Variants in ARHGEF3 observed in about 807,000 individuals in gnomAD.
ARHGEF3 encodes 59.8 kDA protein.
Under a neutral mutation model 63.2 loss-of-function variants are expected in ARHGEF3, and 28 were observed. The ratio of observed to expected loss-of-function variants is 0.44; its 90% CI spans 0.33 to 0.61. ARHGEF3 has a LOEUF of 0.61. Ranked by LOEUF, ARHGEF3 falls within the 20% of genes least tolerant of loss-of-function variation. The probability of loss-of-function intolerance (pLI) is 0.03; values close to 1 mark genes in which losing one functional copy is unlikely to be tolerated. For synonymous variants in ARHGEF3, 266 were observed against 254.2 expected, an observed-to-expected ratio of 1.05 and a Z score of -0.44; for missense variants, 533 against 659.3, an observed-to-expected ratio of 0.81 and a Z score of 2.10.
At chr3:56,830,928 C>G (rs78979007) in intron 4 of ARHGEF3, among the ~76,000 whole-genome samples, 29 of 152,314 alleles carry the variant, frequency 1.9e-4, no homozygotes, top group Non-Finnish European at 3.7e-4. Flanking sequence ...GATCTCATCT[C>G]CCCTGCCACC....
At chr3:56,948,473 A>G (rs896154744) in intron 3 of ARHGEF3, among the ~76,000 whole-genome samples, 13 of 152,222 alleles carry the variant, frequency 8.5e-5, no homozygotes, top group African/African-American at 3.1e-4. Context: ...CAGAAATACA[A>G]ACTACCATCA....
chr3:56,906,387 C>T (rs868300539), intron 3 of ARHGEF3, among the ~76,000 whole-genome samples: 10 of 152,254 alleles, frequency 6.6e-5, no homozygotes, highest in African/African-American at 1.9e-4. Context: ...CGATGGCTAC[C>T]GTAAGCCACA....
intron 2 of ARHGEF3, among the ~76,000 whole-genome samples, chr3:57,031,543 G>A (rs1703735851): frequency 6.6e-6 from 1 of 152,126 alleles, no homozygotes. Context: ...CCACCGCTCA[G>A]ATGTGTGCAA....
At chr3:56,746,048 C>G (rs1229480066) in intron 6 of ARHGEF3, among the ~76,000 whole-genome samples, 1 of 152,232 alleles carries the variant, frequency 6.6e-6, no homozygotes, top group East Asian at 1.9e-4. Flanking sequence ...GCTAATTTCT[C>G]TGACACATCC....
chr3:56,964,214 ATGGTGG>A (rs1700395416), intron 2 of ARHGEF3, among the ~76,000 whole-genome samples: 1 of 151,992 alleles, frequency 6.6e-6, no homozygotes, highest in South Asian at 2.1e-4. Flanking sequence ...ATTACTGTAC[ATGGTGG>A]TGCATGCCTG....
intron 2 of ARHGEF3, among the ~76,000 whole-genome samples, chr3:56,773,044 T>G (rs1169237965): frequency 1.3e-5 from 2 of 152,180 alleles, no homozygotes; most frequent in East Asian, 3.8e-4. Context: ...AAACATTTTA[T>G]GTAAAGGGCC....
At chr3:56,911,004 C>G (rs1473948574) in intron 3 of ARHGEF3, among the ~76,000 whole-genome samples, 1 of 152,138 alleles carries the variant, frequency 6.6e-6, no homozygotes, top group Non-Finnish European at 1.5e-5. Flanking sequence ...GCTGCAACCT[C>G]CAGGATCTCA....
intron 1 of ARHGEF3, among the ~76,000 whole-genome samples, chr3:57,059,616 C>T (rs1301737533): frequency 6.6e-6 from 1 of 152,062 alleles, no homozygotes; most frequent in Non-Finnish European, 1.5e-5. Flanking sequence ...TAGCCTCAGG[C>T]AAGTTGCTTC....
At chr3:56,839,150 A>AT (rs928552563) in intron 4 of ARHGEF3, among the ~76,000 whole-genome samples, 46 of 149,462 alleles carry the variant, frequency 3.1e-4, no homozygotes, top group Middle Eastern at 3.4e-3. Context: ...AAAAAAAAAA[A>AT]TTTTTTTTTG....
At chr3:57,020,538 C>T (rs1014762283) in intron 2 of ARHGEF3, among the ~76,000 whole-genome samples, 21 of 152,144 alleles carry the variant, frequency 1.4e-4, no homozygotes, top group African/African-American at 4.1e-4. Context: ...ACGAAGCCCA[C>T]GTTGTGAACA....
rs79031248 is a variant in ARHGEF3, at chr3:56,796,068, G to A, written c.96+5635C>T. On this transcript the variant is annotated intron_variant, in intron 1 of 9. Coordinates refer to ENST00000296315, the MANE Select transcript of ARHGEF3 (RefSeq NM_019555.3). Reference sequence around the variant, plus strand: ...TAAGAATAAATGGCAACGCAGTCACGGCAATTTCCTCATTTTGTGTGACCT... The same window carrying A: ...TAAGAATAAATGGCAACGCAGTCACAGCAATTTCCTCATTTTGTGTGACCT... Among the ~76,000 whole-genome samples, 1,445 of 152,150 alleles carry A rather than the reference G, an allele frequency of 9.5e-3. 64 individuals carry two copies. In the East Asian group the frequency reaches 0.095, roughly 10 times the overall value.
At chr3:56,751,186 C>A in intron 5 of ARHGEF3, 54 bp from the exon 6 acceptor site, 1 of 1,589,350 alleles carries the variant, frequency 6.3e-7, no homozygotes, top group Non-Finnish European at 8.6e-7. Flanking sequence ...ATGAACAGGG[C>A]TGGAAGTAGG....
chr3:56,955,661 C>T (rs993088716), intron 3 of ARHGEF3, among the ~76,000 whole-genome samples: 3 of 152,228 alleles, frequency 2.0e-5, no homozygotes, highest in African/African-American at 7.2e-5. Flanking sequence ...AAAAAGCACA[C>T]CCTGCCCTAG....
At chr3:56,905,024 C>T (rs2041640554) in intron 3 of ARHGEF3, among the ~76,000 whole-genome samples, 1 of 152,168 alleles carries the variant, frequency 6.6e-6, no homozygotes, top group Non-Finnish European at 1.5e-5. Context: ...TGACTGAACC[C>T]ATCCCACTCA....
chr3:56,751,327 G>A lies in ARHGEF3; in HGVS notation c.508C>T (p.Leu170=). ...EQELNQIFGT[L]DSLIPLHEEL... is the part of the protein sequence containing the mutation. ...TCATGTAGAGGAATTAGAGAGTCCA[G>A]TGTTCCAAAAATTTGATTCAACTCT... The change falls in exon 5 of 10, where the codon CTG becomes TTG. Residue 170 remains leucine (L), a synonymous_variant. Coordinates refer to ENST00000296315, the MANE Select transcript of ARHGEF3 (RefSeq NM_019555.3). The A allele has an allele frequency of 1.2e-6, 2 of 1,613,920 alleles. No homozygotes were observed. The highest frequency in any genetic ancestry group is 2.7e-5 in the African/African-American group (2 of 75,050).
At chr3:56,921,490 A>G (rs2042141678) in intron 3 of ARHGEF3, among the ~76,000 whole-genome samples, 1 of 142,398 alleles carries the variant, frequency 7.0e-6, no homozygotes, top group Non-Finnish European at 1.6e-5. Context: ...CCAGTGAGAA[A>G]TAAAAAGAAT....
At chr3:56,918,002 G>C (rs114771833) in intron 3 of ARHGEF3, among the ~76,000 whole-genome samples, 2,564 of 152,308 alleles carry the variant, frequency 0.017, 29 homozygotes, top group Non-Finnish European at 0.026. Flanking sequence ...GATTGTCCTT[G>C]GGATTCCCTA....
upstream of ARHGEF3, among the ~76,000 whole-genome samples, chr3:56,805,754 AAG>A (rs1394866758): frequency 1.3e-5 from 2 of 152,244 alleles, no homozygotes; most frequent in Admixed American, 6.5e-5. Context: ...ATGCTAGGCA[AAG>A]AGAGACAGAC....
chr3:56,929,366 T>G (rs1386282951), intron 3 of ARHGEF3, among the ~76,000 whole-genome samples: 1 of 152,128 alleles, frequency 6.6e-6, no homozygotes, highest in Non-Finnish European at 1.5e-5. Flanking sequence ...TCACCCCAAA[T>G]CCTGACTAAA....
Sources: gnomAD v4.1 joint callset for allele counts (sites outside exome capture counted in the v4.1 genomes callset) on GRCh38, gnomAD v4.1.1 for gene constraint, MANE v1.5 for transcripts, NCBI Gene and HGNC (gene_info 2026-07-23, HGNC 2026-07-21) for gene names.